Variants in PRR14L observed in about 807,000 individuals in gnomAD.
The protein encoded by PRR14L is protein PRR14L.
Under a neutral mutation model 155.0 loss-of-function variants are expected in PRR14L, and 80 were observed. The observed-to-expected ratio is 0.52, with a 90% CI of 0.43 to 0.62. The LOEUF is 0.62. Ranked by LOEUF, PRR14L falls within the 20% of genes least tolerant of loss-of-function variation. PRR14L has a pLI of 0.00. For missense variants in PRR14L, 2,469 were observed against 2,548.0 expected (o/e 0.97, Z 0.67); for synonymous variants, 883 against 916.0 (o/e 0.96, Z 0.65).
chr22:31,718,259 TTTTG>T (rs1300619871), intron 3 of PRR14L, among the ~76,000 whole-genome samples: 4 of 133,198 alleles, frequency 3.0e-5, no homozygotes, highest in African/African-American at 1.1e-4. Flanking sequence ...GGGTTTTTGT[TTTTG>T]TTTTTGTTTT....
At chr22:31,742,510 G>A (rs1439873152) in intron 1 of PRR14L, among the ~76,000 whole-genome samples, 1 of 152,062 alleles carries the variant, frequency 6.6e-6, no homozygotes, top group Admixed American at 6.6e-5. Context: ...GGGATTACAG[G>A]CACATGCCAT....
chr22:31,719,868 C>A (rs112853152), intron 3 of PRR14L, among the ~76,000 whole-genome samples: 2 of 152,058 alleles, frequency 1.3e-5, no homozygotes, highest in Non-Finnish European at 2.9e-5. Context: ...TCCCAAGGAG[C>A]TGGGACTGTA....
chr22:31,683,259 A>T lies in PRR14L; in HGVS notation c.*2268T>A, dbSNP rs1252307772. On this transcript the variant is annotated 3_prime_UTR_variant, in exon 9 of 9. Transcript: ENST00000327423. ...AAACTATCTCTGCCATGTTGGTGACACTATAGCTGTGCCCACTGTTGTCTC... is the reference window on the plus strand; with the variant it reads ...AAACTATCTCTGCCATGTTGGTGACTCTATAGCTGTGCCCACTGTTGTCTC... 1 of 152,174 alleles carries T rather than the reference A, an allele frequency of 6.6e-6. No homozygotes were observed. The highest frequency in any genetic ancestry group is 2.4e-5 in the African/African-American group (1 of 41,416). The allele number at this position is 152,174 out of a possible 1,614,324, so 9.4% of individuals were successfully genotyped here. A position where few individuals can be genotyped will look rare whatever the true frequency, so the allele number is the denominator to read the frequency against.
chr22:31,708,402 C>T (rs749437603), intron 4 of PRR14L, among the ~76,000 whole-genome samples: 4 of 150,598 alleles, frequency 2.7e-5, no homozygotes, highest in African/African-American at 4.9e-5. Context: ...TCTTGGCTCA[C>T]CCTAACCTCT....
At chr22:31,721,460 C>T (rs866733060) in intron 3 of PRR14L, among the ~76,000 whole-genome samples, 1 of 151,252 alleles carries the variant, frequency 6.6e-6, no homozygotes, top group African/African-American at 2.4e-5. Flanking sequence ...CCCAGCTACT[C>T]GGGAGACTGA....
chr22:31,695,998 A>G (rs1170713897), intron 7 of PRR14L, among the ~76,000 whole-genome samples: 1 of 152,142 alleles, frequency 6.6e-6, no homozygotes, highest in Non-Finnish European at 1.5e-5. Context: ...TAAGGTAAAA[A>G]TCCTAAGAGC....
rs546458372 is a variant in PRR14L, at chr22:31,687,417, G to C, written c.6179+739C>G. On this transcript the variant is annotated intron_variant, in intron 8 of 8. Coordinates refer to ENST00000327423, the MANE Select transcript of PRR14L (RefSeq NM_173566.3). ...TGCCCAGGCTGGAGTGCAGTGGTGT[G>C]ATCTTAGCTCACTGCCATCTCCTCC... Among the ~76,000 whole-genome samples, 16 of 149,412 alleles carry C rather than the reference G, an allele frequency of 1.1e-4. No homozygotes were observed. In the East Asian group the frequency reaches 2.2e-3, roughly 21 times the overall value.
chr22:31,727,984 A>G (rs1339655064), intron 2 of PRR14L, among the ~76,000 whole-genome samples: 13 of 151,804 alleles, frequency 8.6e-5, no homozygotes, highest in Non-Finnish European at 8.8e-5. Context: ...GTCTCAGAAA[A>G]AAAAAAAAAA....
intron 1 of PRR14L, among the ~76,000 whole-genome samples, chr22:31,742,722 T>C (rs2074819029): frequency 2.6e-5 from 4 of 152,194 alleles, no homozygotes; most frequent in African/African-American, 7.2e-5. Flanking sequence ...TCCCCTCATA[T>C]GCATACATGC....
At chr22:31,728,635 G>A (rs953161986) in intron 2 of PRR14L, among the ~76,000 whole-genome samples, 2 of 143,792 alleles carry the variant, frequency 1.4e-5, no homozygotes, top group East Asian at 4.1e-4. Flanking sequence ...CGTATACTAC[G>A]CTTTTGTATG....
At chr22:31,727,715 C>G (rs2074724394) in intron 2 of PRR14L, among the ~76,000 whole-genome samples, 1 of 152,082 alleles carries the variant, frequency 6.6e-6, no homozygotes, top group Non-Finnish European at 1.5e-5. Context: ...GGTGCAGTGG[C>G]TCACGCCTTT....
In PRR14L at chr22:31,712,645, T is replaced by C; in HGVS notation, c.5194A>G (p.Thr1732Ala). ...HVKSSSSDCT[T>A]ESSRTFPEHC... ...TCAGGAAAAGTCCTTGAGGACTCAG[T>C]CGTGCAATCTGAGCTGGATGATTTC... is the stretch of plus-strand genomic sequence containing the variant. The change falls in exon 4 of 9, where the codon ACT (threonine) becomes GCT (alanine). Residue 1732 changes from threonine (T) to alanine (A), a missense_variant. Transcript: ENST00000327423. 6.4e-7 allele frequency: 1 copy of C among 1,551,754 alleles called. No individual in the cohort carries two copies. The highest frequency in any genetic ancestry group is 8.7e-7 in the Non-Finnish European group (1 of 1,146,996).
In PRR14L at chr22:31,706,428, C is replaced by CTTTTTTTTTTTTTTTT. The variant is rs771902267; in HGVS notation, c.5757-1703_5757-1702insAAAAAAAAAAAAAAAA. Among the ~76,000 whole-genome samples the CTTTTTTTTTTTTTTTT allele has an allele frequency of 5.1e-4, 72 of 142,248 alleles. 2 individuals carry two copies. Among genetic ancestry groups the CTTTTTTTTTTTTTTTT allele is most frequent in the African/African-American group, 1.0e-3 (36 of 36,142 alleles). The allele number at this position is 142,248 out of a possible 152,430, so 93.3% of individuals were successfully genotyped here. ...TAATTCCTTTATAATTAAACTCTTC[C>CTTTTTTTTTTTTTTTT]TTTTTCTTTTTTTTGAGACGGAGTC... On this transcript the variant is annotated intron_variant, in intron 4 of 8. Coordinates refer to ENST00000327423, the MANE Select transcript of PRR14L (RefSeq NM_173566.3).
intron 2 of PRR14L, among the ~76,000 whole-genome samples, chr22:31,736,862 C>T (rs1357344964): frequency 2.0e-5 from 3 of 151,774 alleles, no homozygotes; most frequent in African/African-American, 4.8e-5. Flanking sequence ...CACAGTGAAA[C>T]CCCGTCTCTA....
Position 31,714,135 on chromosome 22 carries a change from AG to A in PRR14L, c.3703del (p.Leu1235Ter). ...HDESSVSLRSLKSIEIMPSQE... is the reference protein window; with the variant it reads ...HDESSVSLRSXKSIEIMPSQE... ...AGAAGGCATTATTTCAATGGATTTCAGGCTTCTTAGGGAAACAGAGCTTTCA... is the reference window on the plus strand; with the variant it reads ...AGAAGGCATTATTTCAATGGATTTCAGCTTCTTAGGGAAACAGAGCTTTCA... On this transcript the variant is annotated frameshift_variant, in exon 4 of 9. Coordinates refer to ENST00000327423, the MANE Select transcript of PRR14L (RefSeq NM_173566.3). LOFTEE classifies it high-confidence loss of function. 6.4e-7 allele frequency: 1 copy of A among 1,551,554 alleles called. No homozygotes were observed. The highest frequency in any genetic ancestry group is 8.7e-7 in the Non-Finnish European group (1 of 1,146,942).
chr22:31,743,685 C>A (rs1450192136), intron 1 of PRR14L, among the ~76,000 whole-genome samples: 2 of 151,632 alleles, frequency 1.3e-5, no homozygotes, highest in Non-Finnish European at 2.9e-5. Context: ...GCCTGTAATC[C>A]CAGCTACTTG....
At position 31,716,750 on chromosome 22, in the gene PRR14L, A is replaced by T; in HGVS notation, c.1089T>A (p.Gly363=). The T allele has an allele frequency of 6.4e-7, 1 of 1,551,758 alleles. No homozygotes were observed. The highest frequency in any genetic ancestry group is 8.7e-7 in the Non-Finnish European group (1 of 1,147,010). The stretch of plus-strand genomic sequence containing the variant: ...TCTTTAGCAAACCACCACCTTCAAA[A>T]CCACAGTTTTCTAAGGATATTGTTC... The part of the protein sequence containing the change: ...ESRTISLENC[G]FEGGGLLKRS... The change falls in exon 4 of 9, where the codon GGT becomes GGA. Residue 363 remains glycine (G), a synonymous_variant. Coordinates refer to ENST00000327423, the MANE Select transcript of PRR14L (RefSeq NM_173566.3).
At chr22:31,725,286 G>A (rs937116930) in intron 3 of PRR14L, among the ~76,000 whole-genome samples, 1 of 152,030 alleles carries the variant, frequency 6.6e-6, no homozygotes, top group Non-Finnish European at 1.5e-5. Context: ...CACGCCTGTA[G>A]TCCCAGCTAC....
intron 4 of PRR14L, among the ~76,000 whole-genome samples, chr22:31,709,168 C>T (rs530123620): frequency 6.6e-6 from 1 of 152,110 alleles, no homozygotes; most frequent in African/African-American, 2.4e-5. Context: ...GTCTTGAACT[C>T]CTGGCCTCAA....
Sources: allele counts gnomAD v4.1 joint callset (sites outside exome capture counted in the v4.1 genomes callset), GRCh38; gene constraint gnomAD v4.1.1; transcripts MANE v1.5; gene names NCBI Gene and HGNC (gene_info 2026-07-23, HGNC 2026-07-21).